The following PTCHD4 variants were observed in gnomAD, a reference collection of about 807,000 sequenced individuals.
The protein encoded by PTCHD4 is patched domain-containing protein 4.
In PTCHD4, 33 loss-of-function variants were observed where a neutral mutation model predicts 58.1. The observed-to-expected ratio is 0.57, with a 90% CI of 0.43 to 0.76. The LOEUF (loss-of-function observed/expected upper bound fraction) is 0.76. PTCHD4 is among the 30% of genes least tolerant of loss of function. The pLI, the probability that PTCHD4 is intolerant of heterozygous loss-of-function variation, is 0.00. For synonymous variants in PTCHD4, 478 were observed against 409.6 expected, an observed-to-expected ratio of 1.17 and a Z score of -2.02; for missense variants, 1,058 against 1,027.1, an observed-to-expected ratio of 1.03 and a Z score of -0.41.
At chr6:48,048,646 A>G (rs1764124081) in intron 3 of PTCHD4, among the ~76,000 whole-genome samples, 1 of 151,872 alleles carries the variant, frequency 6.6e-6, no homozygotes, top group Admixed American at 6.6e-5. Flanking sequence ...CTGAGGATTT[A>G]GCATCTCAGC....
intron 3 of PTCHD4, among the ~76,000 whole-genome samples, chr6:48,031,802 A>G (rs1272143799): frequency 6.6e-6 from 1 of 152,160 alleles, no homozygotes; most frequent in East Asian, 1.9e-4. Flanking sequence ...ACATTTGTTT[A>G]AGTATCTCAG....
intron 1 of PTCHD4, among the ~76,000 whole-genome samples, chr6:48,107,643 C>T (rs1157951647): frequency 2.0e-5 from 3 of 151,888 alleles, no homozygotes; most frequent in South Asian, 2.1e-4. Flanking sequence ...CAAAAGAAAC[C>T]ACCATCAGAG....
At chr6:48,082,158 A>G (rs565545453) in intron 1 of PTCHD4, among the ~76,000 whole-genome samples, 1 of 152,350 alleles carries the variant, frequency 6.6e-6, no homozygotes, top group South Asian at 2.1e-4. Context: ...ATGCCACAGG[A>G]AAAACAGCTT....
At chr6:48,066,584 G>A (rs1764805962) in intron 3 of PTCHD4, among the ~76,000 whole-genome samples, 1 of 152,192 alleles carries the variant, frequency 6.6e-6, no homozygotes, top group Non-Finnish European at 1.5e-5. Context: ...AAGCAATAAT[G>A]TTGATGGCAA....
chr6:47,899,546 A>G (rs1172458258), intron 4 of PTCHD4: 1 of 977,464 alleles, frequency 1.0e-6, no homozygotes, highest in African/African-American at 1.8e-5. Context: ...ATAACTTTGC[A>G]TGTTATCCTA....
intron 4 of PTCHD4, among the ~76,000 whole-genome samples, chr6:48,002,305 C>A (rs535716371): frequency 6.6e-6 from 1 of 151,892 alleles, no homozygotes; most frequent in Non-Finnish European, 1.5e-5. Flanking sequence ...TAAACACAGA[C>A]GCACACATGT....
intron 4 of PTCHD4, among the ~76,000 whole-genome samples, chr6:47,948,347 A>C (rs925811147): frequency 6.6e-6 from 1 of 152,154 alleles, no homozygotes; most frequent in Non-Finnish European, 1.5e-5. Flanking sequence ...AGTCTTATAT[A>C]ATATAATCAC....
intron 4 of PTCHD4, among the ~76,000 whole-genome samples, chr6:47,915,473 C>T (rs375881424): frequency 1.4e-3 from 216 of 151,920 alleles, no homozygotes; most frequent in African/African-American, 4.3e-3. Context: ...AAGCATCTTT[C>T]GCAGATTAAA....
At chr6:47,883,591 A>G (rs1307575473) in intron 4 of PTCHD4, among the ~76,000 whole-genome samples, 1 of 152,204 alleles carries the variant, frequency 6.6e-6, no homozygotes, top group Admixed American at 6.5e-5. Context: ...ATAACTGTGT[A>G]TAGTATCAAT....
chr6:47,893,429 T>G (rs1266868453), intron 4 of PTCHD4, among the ~76,000 whole-genome samples: 1 of 152,212 alleles, frequency 6.6e-6, no homozygotes, highest in Non-Finnish European at 1.5e-5. Context: ...GGCATTTTGG[T>G]CCCAGTTCTG....
rs1486468922 is a variant in PTCHD4 at position 47,878,948 on chromosome 6, T to C, written c.1887A>G (p.Leu629=). The change falls in exon 5 of 5, where the codon CTA becomes CTG. Residue 629 remains leucine, a synonymous_variant. Coordinates refer to ENST00000339488, the MANE Select transcript of PTCHD4 (RefSeq NM_001384253.1). ...ITEVLEKLRP[L]SLSKSIRFIV... is the part of the protein sequence containing the mutation. ...TGAATCGGATGCTCTTTGAGAGGGA[T>C]AGGGGCCTCAGCTTTTCCAACACTT... The C allele has an allele frequency of 5.6e-6, 9 of 1,613,102 alleles. 1 individual carries two copies. In the Middle Eastern group the frequency reaches 5.0e-4, roughly 89 times the overall value.
intron 3 of PTCHD4, among the ~76,000 whole-genome samples, chr6:48,050,442 T>C (rs187678262): frequency 6.6e-6 from 1 of 152,042 alleles, no homozygotes; most frequent in African/African-American, 2.4e-5. Context: ...GGGAACTATA[T>C]GGCTGGTCAA....
intron 1 of PTCHD4, among the ~76,000 whole-genome samples, chr6:48,085,057 TAAA>T (rs34861383): frequency 6.9e-6 from 1 of 144,846 alleles, no homozygotes; most frequent in African/African-American, 2.5e-5. Flanking sequence ...TACTTCTCAT[TAAA>T]AAAAAAAAAA....
At chr6:48,071,400 T>C (rs1485215375) in intron 1 of PTCHD4, among the ~76,000 whole-genome samples, 1 of 152,182 alleles carries the variant, frequency 6.6e-6, no homozygotes, top group Non-Finnish European at 1.5e-5. Flanking sequence ...AAGAATTAGG[T>C]GCAATATGAA....
At chr6:47,993,454 A>G (rs969354337) in intron 4 of PTCHD4, among the ~76,000 whole-genome samples, 56 of 152,224 alleles carry the variant, frequency 3.7e-4, no homozygotes, top group African/African-American at 1.4e-3. Context: ...AAAAGTAGGT[A>G]AAATGAACCT....
intron 4 of PTCHD4, among the ~76,000 whole-genome samples, chr6:48,003,697 CA>C (rs1403155329): frequency 6.6e-6 from 1 of 152,132 alleles, no homozygotes; most frequent in Non-Finnish European, 1.5e-5. Context: ...ATACTTCAAA[CA>C]GCTTTAATTT....
chr6:48,064,702 TAATC>T (rs1384487221), intron 3 of PTCHD4, among the ~76,000 whole-genome samples: 1 of 152,148 alleles, frequency 6.6e-6, no homozygotes, highest in Non-Finnish European at 1.5e-5. Context: ...GTGTGCAAAT[TAATC>T]AATAAGTTAA....
intron 4 of PTCHD4, among the ~76,000 whole-genome samples, chr6:47,949,204 C>A (rs1371000102): frequency 6.6e-6 from 1 of 152,148 alleles, no homozygotes. Context: ...TAGGAAAGAG[C>A]TAGCCGAGGA....
intron 1 of PTCHD4, among the ~76,000 whole-genome samples, chr6:48,105,111 A>G (rs1765691059): frequency 6.6e-6 from 1 of 152,172 alleles, no homozygotes; most frequent in Non-Finnish European, 1.5e-5. Context: ...CCTAATAGAC[A>G]TCTACAGAAC....
Sources: allele counts gnomAD v4.1 joint callset (sites outside exome capture counted in the v4.1 genomes callset), GRCh38; gene constraint gnomAD v4.1.1; transcripts MANE v1.5; gene names NCBI Gene and HGNC (gene_info 2026-07-23, HGNC 2026-07-21).